TMEM178A: variants seen among roughly 807,000 people sequenced by gnomAD.
The protein encoded by TMEM178A is transmembrane protein 178A.
Under a neutral mutation model 29.1 loss-of-function variants are expected in TMEM178A, and 12 were observed. That is an observed-to-expected ratio of 0.41 (90% confidence interval 0.26 to 0.67). TMEM178A has a LOEUF of 0.67. Ranked by LOEUF, TMEM178A falls within the 30% of genes least tolerant of loss-of-function variation. TMEM178A has a pLI of 0.29. For synonymous variants in TMEM178A, 210 were observed against 187.2 expected (o/e 1.12, Z -0.99); for missense variants, 366 against 419.1 (o/e 0.87, Z 1.11).
chr2:39,675,842 C>T (rs932149740), intron 1 of TMEM178A, among the ~76,000 whole-genome samples: 3 of 152,064 alleles, frequency 2.0e-5, no homozygotes, highest in African/African-American at 4.8e-5. Flanking sequence ...TGCAGTGGCG[C>T]GGTCATACTT....
At chr2:39,704,911 A>G (rs1359246491) in intron 2 of TMEM178A, among the ~76,000 whole-genome samples, 1 of 152,220 alleles carries the variant, frequency 6.6e-6, no homozygotes, top group Non-Finnish European at 1.5e-5. Flanking sequence ...TGGTGGCCAA[A>G]GCCACTGTAG....
the TMEM178A span, among the ~76,000 whole-genome samples, chr2:39,732,157 T>C: frequency 2.6e-5 from 4 of 152,344 alleles, no homozygotes; most frequent in African/African-American, 9.6e-5. Context: ...CTCCAAGTTC[T>C]GCTCCCTGGG....
chr2:39,693,747 A>C (rs994845561), intron 1 of TMEM178A, among the ~76,000 whole-genome samples: 2 of 152,156 alleles, frequency 1.3e-5, no homozygotes, highest in Non-Finnish European at 2.9e-5. Flanking sequence ...TAAGTCACCA[A>C]CTGTATGCCA....
At chr2:39,685,785 T>G (rs992125820) in intron 1 of TMEM178A, among the ~76,000 whole-genome samples, 8 of 152,218 alleles carry the variant, frequency 5.3e-5, no homozygotes, top group Non-Finnish European at 1.2e-4. Flanking sequence ...GAAAGCTACC[T>G]AATGGGTAGT....
chr2:39,676,678 C>T (rs1019375726), intron 1 of TMEM178A, among the ~76,000 whole-genome samples: 1 of 152,178 alleles, frequency 6.6e-6, no homozygotes, highest in Non-Finnish European at 1.5e-5. Context: ...GACACCTGAA[C>T]AAAATCTGGC....
At chr2:39,727,324 AT>A in the TMEM178A span, among the ~76,000 whole-genome samples, 4 of 152,232 alleles carry the variant, frequency 2.6e-5, no homozygotes, top group Admixed American at 6.5e-5. Flanking sequence ...AAAGAAGCAA[AT>A]GAACAAATGA....
chr2:39,702,440 C>A lies in TMEM178A; in HGVS notation c.401-1641C>A, dbSNP rs6758855. On this transcript the variant is annotated intron_variant, in intron 1 of 3. Transcript: ENST00000281961. Reference sequence around the variant, plus strand: ...TAGCTTTCACTTCCTGCTTACAGAGCCTCAGGGTCAGTCTGATGAGTACCA... The same window carrying A: ...TAGCTTTCACTTCCTGCTTACAGAGACTCAGGGTCAGTCTGATGAGTACCA... Among the ~76,000 whole-genome samples, 526 of 152,166 alleles carry A rather than the reference C, an allele frequency of 3.5e-3. 3 individuals are homozygous for A. Among genetic ancestry groups the A allele is most frequent in the African/African-American group, 0.012 (510 of 41,500 alleles).
chr2:39,703,633 TG>T (rs1277663296), intron 1 of TMEM178A, among the ~76,000 whole-genome samples: 1 of 152,244 alleles, frequency 6.6e-6, no homozygotes, highest in Non-Finnish European at 1.5e-5. Flanking sequence ...CTAAACCATG[TG>T]GAAGGTTATC....
At chr2:39,684,285 T>C (rs1259937750) in intron 1 of TMEM178A, among the ~76,000 whole-genome samples, 1 of 152,214 alleles carries the variant, frequency 6.6e-6, no homozygotes, top group African/African-American at 2.4e-5. Context: ...TAAATTTTTT[T>C]TTTCTGATTA....
chr2:39,702,878 A>G (rs749660870), intron 1 of TMEM178A, among the ~76,000 whole-genome samples: 28 of 152,174 alleles, frequency 1.8e-4, no homozygotes, highest in Admixed American at 6.5e-5. Flanking sequence ...TTGATTCAGT[A>G]TATCTGGGGT....
At chr2:39,720,548 C>T (rs868783987), downstream of TMEM178A, among the ~76,000 whole-genome samples, 2 of 152,196 alleles carry the variant, frequency 1.3e-5, no homozygotes, top group Admixed American at 6.5e-5. Flanking sequence ...CTCAAACATG[C>T]TGCATTGCTT....
At chr2:39,716,440 T>G (rs1672538961) in intron 3 of TMEM178A, among the ~76,000 whole-genome samples, 1 of 152,238 alleles carries the variant, frequency 6.6e-6, no homozygotes, top group Non-Finnish European at 1.5e-5. Flanking sequence ...TCAGCTATTT[T>G]ACATCATATG....
At chr2:39,712,532 T>G (rs1672354314) in intron 3 of TMEM178A, among the ~76,000 whole-genome samples, 1 of 152,222 alleles carries the variant, frequency 6.6e-6, no homozygotes, top group African/African-American at 2.4e-5. Context: ...ATTAGGAATA[T>G]TGGCAGAAAA....
intron 1 of TMEM178A, among the ~76,000 whole-genome samples, chr2:39,691,230 T>C (rs1394780371): frequency 6.6e-6 from 1 of 152,162 alleles, no homozygotes; most frequent in African/African-American, 2.4e-5. Flanking sequence ...AAAGAACCCT[T>C]AATAGGCTGA....
At chr2:39,712,780 C>G (rs1347447802) in intron 3 of TMEM178A, among the ~76,000 whole-genome samples, 2 of 152,166 alleles carry the variant, frequency 1.3e-5, no homozygotes, top group Non-Finnish European at 2.9e-5. Flanking sequence ...GGCCACCTTT[C>G]TCCCCATGGA....
rs3032158 is a variant in TMEM178A at position 39,667,335 on chromosome 2, ATTT to A, written c.400+975_400+977del. Among the ~76,000 whole-genome samples the A allele has an allele frequency of 7.8e-3, 1,103 of 141,280 alleles. 18 individuals carry two copies. Among genetic ancestry groups the A allele is most frequent in the East Asian group, 0.059 (291 of 4,894 alleles). The allele number at this position is 141,280 out of a possible 152,430, so 92.7% of individuals were successfully genotyped here. A position where few individuals can be genotyped will look rare whatever the true frequency, so the allele number is the denominator to read the frequency against. On this transcript the variant is annotated intron_variant, in intron 1 of 3. Transcript: ENST00000281961. ...TCTGTGAATGCTATCAGATAGTTTG[ATTT>A]TTTTTTTTTTTTTGGTAATCCCATT...
chr2:39,699,538 C>T (rs1209294070), intron 1 of TMEM178A, among the ~76,000 whole-genome samples: 1 of 151,888 alleles, frequency 6.6e-6, no homozygotes, highest in Non-Finnish European at 1.5e-5. Flanking sequence ...CTCACTGCAG[C>T]CTACATCTCC....
At chr2:39,670,923 TA>T (rs1238007817) in intron 1 of TMEM178A, among the ~76,000 whole-genome samples, 1 of 152,210 alleles carries the variant, frequency 6.6e-6, no homozygotes, top group East Asian at 1.9e-4. Context: ...GAAATTCTAA[TA>T]TTACATATTA....
intron 1 of TMEM178A, among the ~76,000 whole-genome samples, chr2:39,701,625 A>G (rs1334597924): frequency 1.3e-5 from 2 of 152,062 alleles, no homozygotes; most frequent in East Asian, 3.9e-4. Context: ...ATTTCTTCAA[A>G]TACTCTTTTT....
Sources: allele counts gnomAD v4.1 joint callset (sites outside exome capture counted in the v4.1 genomes callset), GRCh38; gene constraint gnomAD v4.1.1; transcripts MANE v1.5; gene names NCBI Gene and HGNC (gene_info 2026-07-23, HGNC 2026-07-21).